The following KCNIP4 variants were observed in gnomAD, a reference collection of about 807,000 sequenced individuals.
The protein encoded by KCNIP4 is Kv channel-interacting protein 4.
Under a neutral mutation model 34.0 loss-of-function variants are expected in KCNIP4, and 12 were observed. The ratio of observed to expected loss-of-function variants is 0.35; its 90% confidence interval spans 0.23 to 0.57. The LOEUF is 0.57. Ranked by LOEUF, KCNIP4 falls within the 20% of genes least tolerant of loss-of-function variation. The pLI is 0.83. For synonymous variants in KCNIP4, 124 were observed against 102.2 expected, an observed-to-expected ratio of 1.21 and a Z score of -1.29; for missense variants, 238 against 311.7, an observed-to-expected ratio of 0.76 and a Z score of 1.78.
At chr4:21,891,279 A>T (rs1234889290) in intron 1 of KCNIP4, among the ~76,000 whole-genome samples, 1 of 152,128 alleles carries the variant, frequency 6.6e-6, no homozygotes, top group Non-Finnish European at 1.5e-5. Flanking sequence ...TCTGCCATAC[A>T]ACTTGCCATT....
chr4:21,713,717 A>T (rs1478048677), intron 1 of KCNIP4, among the ~76,000 whole-genome samples: 1 of 152,146 alleles, frequency 6.6e-6, no homozygotes, highest in East Asian at 1.9e-4. Flanking sequence ...ACCTCACTGT[A>T]TGTTTTACCC....
intron 1 of KCNIP4, among the ~76,000 whole-genome samples, chr4:21,186,637 C>T (rs1755249940): frequency 6.6e-6 from 1 of 151,944 alleles, no homozygotes; most frequent in African/African-American, 2.4e-5. Flanking sequence ...TTTCTCAACC[C>T]TTTTTAAGTT....
At chr4:21,841,683 A>G (rs1020364495) in intron 1 of KCNIP4, among the ~76,000 whole-genome samples, 5 of 152,192 alleles carry the variant, frequency 3.3e-5, no homozygotes, top group African/African-American at 1.2e-4. Flanking sequence ...GTCAAAATCT[A>G]TAGGTTGTTT....
chr4:20,826,518 A>G (rs1016363490), intron 3 of KCNIP4, among the ~76,000 whole-genome samples: 11 of 152,036 alleles, frequency 7.2e-5, no homozygotes, highest in African/African-American at 2.7e-4. Context: ...CAGGAGGTCA[A>G]GTCTGCAGTG....
chr4:20,802,340 T>C (rs945071917), intron 3 of KCNIP4, among the ~76,000 whole-genome samples: 3 of 150,850 alleles, frequency 2.0e-5, no homozygotes, highest in African/African-American at 7.3e-5. Context: ...TCTCCAACAT[T>C]GGAACACCTG....
At chr4:21,105,505 T>G (rs1748434925) in intron 1 of KCNIP4, among the ~76,000 whole-genome samples, 1 of 151,654 alleles carries the variant, frequency 6.6e-6, no homozygotes, top group Non-Finnish European at 1.5e-5. Context: ...GCTGAGACAA[T>G]GGGGTTTTCT....
chr4:21,576,622 G>A (rs181808793), intron 1 of KCNIP4, among the ~76,000 whole-genome samples: 85 of 152,200 alleles, frequency 5.6e-4, no homozygotes, highest in Non-Finnish European at 8.2e-4. Flanking sequence ...ATAAGTCCCC[G>A]ATTACTCATT....
chr4:21,287,001 C>T (rs1243673377), intron 1 of KCNIP4, among the ~76,000 whole-genome samples: 2 of 152,116 alleles, frequency 1.3e-5, no homozygotes, highest in Admixed American at 6.5e-5. Context: ...TTCCTCAACA[C>T]TTTTAAAATG....
intron 1 of KCNIP4, among the ~76,000 whole-genome samples, chr4:21,523,002 C>T (rs907685204): frequency 7.9e-5 from 12 of 151,480 alleles, no homozygotes; most frequent in East Asian, 2.0e-4. Flanking sequence ...ATAATGAAGA[C>T]GGAGCCCCCA....
chr4:21,672,564 T>C (rs1014301984), intron 1 of KCNIP4, among the ~76,000 whole-genome samples: 7 of 152,226 alleles, frequency 4.6e-5, no homozygotes, highest in African/African-American at 1.4e-4. Flanking sequence ...ATATTTTTCA[T>C]TGGCCAAGCA....
At chr4:20,763,145 C>T (rs978131428) in intron 3 of KCNIP4, among the ~76,000 whole-genome samples, 1 of 152,092 alleles carries the variant, frequency 6.6e-6, no homozygotes, top group African/African-American at 2.4e-5. Context: ...GGGTAGGGCA[C>T]AAAGCATAAC....
intron 1 of KCNIP4, among the ~76,000 whole-genome samples, chr4:21,387,635 C>A (rs191213279): frequency 4.5e-4 from 69 of 152,202 alleles, no homozygotes; most frequent in African/African-American, 1.5e-3. Context: ...AATATGAATC[C>A]TTTCTTGAAT....
chr4:21,082,026 C>G (rs1454070155), intron 1 of KCNIP4, among the ~76,000 whole-genome samples: 1 of 151,810 alleles, frequency 6.6e-6, no homozygotes. Flanking sequence ...AGGCTAATTG[C>G]TGATGATTTC....
chr4:21,370,882 C>CACACACGTGT (rs367553482), intron 1 of KCNIP4, among the ~76,000 whole-genome samples: 633 of 39,244 alleles, frequency 0.016, 70 homozygotes, highest in South Asian at 0.028. Flanking sequence ...CACACACACA[C>CACACACGTGT]GTGTGTGTGT....
chr4:21,516,353 A>T (rs2109935701), intron 1 of KCNIP4, among the ~76,000 whole-genome samples: 1 of 152,312 alleles, frequency 6.6e-6, no homozygotes, highest in South Asian at 2.1e-4. Flanking sequence ...TAGGTCAGAA[A>T]CTGTCACATG....
At chr4:21,178,327 T>G (rs1291495649) in intron 1 of KCNIP4, among the ~76,000 whole-genome samples, 1 of 152,142 alleles carries the variant, frequency 6.6e-6, no homozygotes, top group Non-Finnish European at 1.5e-5. Context: ...AACATAAACA[T>G]TGGTTGGAAC....
At chr4:21,568,121 A>G (rs1017257914) in intron 1 of KCNIP4, among the ~76,000 whole-genome samples, 2 of 152,112 alleles carry the variant, frequency 1.3e-5, no homozygotes, top group African/African-American at 4.8e-5. Context: ...ATAGAATTCA[A>G]ATCGTATTAT....
intron 1 of KCNIP4, among the ~76,000 whole-genome samples, chr4:21,357,130 T>C (rs986278773): frequency 6.6e-6 from 1 of 152,192 alleles, no homozygotes; most frequent in Non-Finnish European, 1.5e-5. Flanking sequence ...AAGCTGAAAC[T>C]GGATCCCTTC....
chr4:21,305,748 C>T (rs933317384), intron 1 of KCNIP4, among the ~76,000 whole-genome samples: 1 of 152,238 alleles, frequency 6.6e-6, no homozygotes, highest in Non-Finnish European at 1.5e-5. Context: ...TGGGCTTTTC[C>T]ATTTCTAGGA....
Sources: gnomAD v4.1 joint callset for allele counts (sites outside exome capture counted in the v4.1 genomes callset) on GRCh38, gnomAD v4.1.1 for gene constraint, MANE v1.5 for transcripts, NCBI Gene and HGNC (gene_info 2026-07-23, HGNC 2026-07-21) for gene names.